Variants in RUNDC3B observed in about 807,000 individuals in gnomAD.
The protein encoded by RUNDC3B is RUN domain-containing protein 3B.
A neutral mutation model predicts 58.4 loss-of-function variants in RUNDC3B; 33 were observed. The ratio of observed to expected loss-of-function variants is 0.56; its 90% CI spans 0.43 to 0.75. RUNDC3B has a LOEUF of 0.75. Among genes scored for constraint, RUNDC3B ranks in the 30% least tolerant of loss-of-function variants. RUNDC3B has a pLI of 0.00. For missense variants in RUNDC3B, 501 were observed against 535.7 expected, an observed-to-expected ratio of 0.94 and a Z score of 0.64; for synonymous variants, 193 against 195.2, an observed-to-expected ratio of 0.99 and a Z score of 0.10.
In RUNDC3B at chr7:87,665,662, A is replaced by G. The variant is rs142697487; in HGVS notation, c.238+14725A>G. Among the ~76,000 whole-genome samples, 50 of 152,164 alleles carry G rather than the reference A, an allele frequency of 3.3e-4. No individual in the cohort carries two copies. The East Asian group carries it at 8.5e-3, about 26-fold the overall frequency. ...CCCAGGTAATGAGCATAGTACGTGAAAGGTAGTTTTTGATCCTCTCCTTCC... is the reference window on the plus strand; with the variant it reads ...CCCAGGTAATGAGCATAGTACGTGAGAGGTAGTTTTTGATCCTCTCCTTCC... On this transcript the variant is annotated intron_variant, in intron 2 of 10. Coordinates refer to ENST00000394654, the MANE Select transcript of RUNDC3B (RefSeq NM_001134405.2).
intron 1 of RUNDC3B, among the ~76,000 whole-genome samples, chr7:87,635,558 A>G (rs932009936): frequency 6.6e-6 from 1 of 152,222 alleles, no homozygotes; most frequent in Non-Finnish European, 1.5e-5. Context: ...TATGTAGGAC[A>G]TTGTGATAAT....
intron 10 of RUNDC3B, among the ~76,000 whole-genome samples, chr7:87,819,944 C>T (rs1304718179): frequency 6.6e-6 from 1 of 151,544 alleles, no homozygotes; most frequent in Non-Finnish European, 1.5e-5. Context: ...AGGAAAGATC[C>T]AAAATTGACA....
rs372077182 is a variant in RUNDC3B at position 87,808,682 on chromosome 7, A to T, written c.1103+1163A>T. ...ATGATTCAAGGTACTGACTTTTGAT[A>T]TTTCATAAATTGGGATCTAGTTCCC... On this transcript the variant is annotated intron_variant, in intron 9 of 10. Coordinates refer to ENST00000394654, the MANE Select transcript of RUNDC3B (RefSeq NM_001134405.2). 6.6e-5 allele frequency among the ~76,000 whole-genome samples: 10 copies of T among 152,238 alleles called. No homozygotes were observed. The South Asian group carries it at 2.1e-3, about 32-fold the overall frequency.
At chr7:87,752,932 T>C (rs1833111320) in intron 6 of RUNDC3B, among the ~76,000 whole-genome samples, 1 of 151,556 alleles carries the variant, frequency 6.6e-6, no homozygotes, top group Non-Finnish European at 1.5e-5. Context: ...TGAATGTGTT[T>C]GCTCTTGCTT....
At chr7:87,806,009 G>A (rs1358501325) in intron 8 of RUNDC3B, among the ~76,000 whole-genome samples, 1 of 152,092 alleles carries the variant, frequency 6.6e-6, no homozygotes, top group Non-Finnish European at 1.5e-5. Flanking sequence ...AAATGTTTAA[G>A]TACTTTAAAA....
Position 87,777,830 on chromosome 7 carries a change from G to C in RUNDC3B, c.831G>C (p.Glu277Asp). The change falls in exon 8 of 11, where the codon GAG (glutamate) becomes GAC (aspartate). Residue 277 changes from glutamate to aspartate, a missense_variant. Coordinates refer to ENST00000394654, the MANE Select transcript of RUNDC3B (RefSeq NM_001134405.2). ...GYLEELLRLRENQLSESVSQN... is the reference protein window; with the variant it reads ...GYLEELLRLRDNQLSESVSQN... Reference sequence around the variant, plus strand: ...TTGAAGAACTCTTACGACTTCGAGAGAACCAACTATCTGAATCTGTCTCCC... The same window carrying C: ...TTGAAGAACTCTTACGACTTCGAGACAACCAACTATCTGAATCTGTCTCCC... 6.2e-7 allele frequency: 1 copy of C among 1,613,676 alleles called. No individual in the cohort carries two copies. Among genetic ancestry groups the C allele is most frequent in the South Asian group, 1.1e-5 (1 of 91,066 alleles).
intron 8 of RUNDC3B, among the ~76,000 whole-genome samples, chr7:87,785,710 T>C (rs1274971374): frequency 1.3e-5 from 2 of 152,114 alleles, no homozygotes; most frequent in East Asian, 1.9e-4. Context: ...CTGCAGTCAG[T>C]AGGGGCTCCA....
At chr7:87,828,339 C>T (rs1303122993) in intron 10 of RUNDC3B, among the ~76,000 whole-genome samples, 5 of 152,064 alleles carry the variant, frequency 3.3e-5, no homozygotes, top group African/African-American at 1.2e-4. Flanking sequence ...TAGCATAGTA[C>T]CCAACAGGTA....
chr7:87,639,153 C>CAAAAA (rs71117547), intron 1 of RUNDC3B, among the ~76,000 whole-genome samples: 20 of 87,706 alleles, frequency 2.3e-4, no homozygotes, highest in African/African-American at 8.9e-4. Context: ...GACTCCGTCT[C>CAAAAA]AAAAAAAAAA....
intron 10 of RUNDC3B, among the ~76,000 whole-genome samples, chr7:87,826,388 C>T (rs560485958): frequency 2.1e-5 from 3 of 143,936 alleles, no homozygotes; most frequent in South Asian, 2.1e-4. Context: ...TCCCCAGTCA[C>T]GTGAAGTGTG....
chr7:87,747,199 G>A (rs1455687971), intron 6 of RUNDC3B, among the ~76,000 whole-genome samples: 1 of 152,118 alleles, frequency 6.6e-6, no homozygotes, highest in African/African-American at 2.4e-5. Flanking sequence ...CTTTTCCTAT[G>A]GGTGTGTCTT....
chr7:87,629,920 CAA>C (rs202130650), intron 1 of RUNDC3B, among the ~76,000 whole-genome samples: 151 of 112,444 alleles, frequency 1.3e-3, no homozygotes, highest in Admixed American at 1.2e-3. Flanking sequence ...GAGACTTCGT[CAA>C]AAAAAAAAAA....
At position 87,703,885 on chromosome 7, in the gene RUNDC3B, C is replaced by CTTTTTTTTTTTTTTTTTTTTTTTTTTTTT; in HGVS notation, c.372+3358_372+3359insTTTTTTTTTTTTTTTTTTTTTTTTTTTTT. On this transcript the variant is annotated intron_variant, in intron 3 of 10. Coordinates refer to ENST00000394654, the MANE Select transcript of RUNDC3B (RefSeq NM_001134405.2). The stretch of plus-strand genomic sequence containing the variant: ...CTTAGGTGAGCTTTATCAGTTTTTT[C>CTTTTTTTTTTTTTTTTTTTTTTTTTTTTT]TTTTTTTTTTTTTTTTTTTTTTTTT... 2.5e-3 allele frequency among the ~76,000 whole-genome samples: 151 copies of CTTTTTTTTTTTTTTTTTTTTTTTTTTTTT among 60,314 alleles called. 9 individuals carry two copies. The highest frequency in any genetic ancestry group is 3.8e-3 in the South Asian group (6 of 1,586). 39.6% of individuals were successfully genotyped at this position (60,314 alleles called of 152,430 possible).
intron 10 of RUNDC3B, among the ~76,000 whole-genome samples, chr7:87,817,377 C>T (rs1447478481): frequency 6.6e-6 from 1 of 152,152 alleles, no homozygotes; most frequent in East Asian, 1.9e-4. Context: ...ATATTATAAG[C>T]CTGCTTCAGA....
intron 2 of RUNDC3B, among the ~76,000 whole-genome samples, chr7:87,689,581 T>C (rs747267091): frequency 1.3e-5 from 2 of 152,186 alleles, no homozygotes; most frequent in Admixed American, 1.3e-4. Flanking sequence ...ATATTGCTAA[T>C]ATTACTTTAT....
intron 2 of RUNDC3B, among the ~76,000 whole-genome samples, chr7:87,686,742 C>A (rs1487284251): frequency 6.6e-6 from 1 of 150,888 alleles, no homozygotes; most frequent in Non-Finnish European, 1.5e-5. Context: ...GAGTTTGAGA[C>A]CCACCTGGGC....
chr7:87,747,648 G>T (rs1183753170), intron 6 of RUNDC3B, among the ~76,000 whole-genome samples: 1 of 152,062 alleles, frequency 6.6e-6, no homozygotes, highest in Admixed American at 6.6e-5. Context: ...TCCTTGGGCG[G>T]GTCTTGCTAT....
chr7:87,715,262 A>ATTAATTTATAATAATTATATATAC (rs1563157646), intron 4 of RUNDC3B, among the ~76,000 whole-genome samples: 1 of 133,778 alleles, frequency 7.5e-6, no homozygotes, highest in African/African-American at 2.8e-5. Flanking sequence ...ATTATATATA[A>ATTAATTTATAATAATTATATATAC]TTAATTTATA....
At chr7:87,813,032 T>C (rs888113756) in intron 9 of RUNDC3B, among the ~76,000 whole-genome samples, 1 of 152,230 alleles carries the variant, frequency 6.6e-6, no homozygotes, top group Non-Finnish European at 1.5e-5. Flanking sequence ...GATAGTGGAT[T>C]TGTAGTCATT....
Sources: allele counts gnomAD v4.1 joint callset (sites outside exome capture counted in the v4.1 genomes callset), GRCh38; gene constraint gnomAD v4.1.1; transcripts MANE v1.5; gene names NCBI Gene and HGNC (gene_info 2026-07-23, HGNC 2026-07-21).